Variants in SMOC2 observed in about 807,000 individuals in gnomAD.
SMOC2 encodes SPARC-related modular calcium-binding protein 2.
Under a neutral mutation model 61.4 loss-of-function variants are expected in SMOC2, and 39 were observed. The observed-to-expected ratio is 0.64, with a 90% CI of 0.49 to 0.83. The LOEUF (loss-of-function observed/expected upper bound fraction) is 0.83. Ranked by LOEUF, SMOC2 falls within the 40% of genes least tolerant of loss-of-function variation. The pLI is 0.00. For missense variants in SMOC2, 556 were observed against 592.9 expected, an observed-to-expected ratio of 0.94 and a Z score of 0.65; for synonymous variants, 247 against 239.9, an observed-to-expected ratio of 1.03 and a Z score of -0.27.
chr6:168,659,517 G>A (rs1455386363), intron 11 of SMOC2, among the ~76,000 whole-genome samples: 5 of 70,480 alleles, frequency 7.1e-5, no homozygotes, highest in Middle Eastern at 6.3e-3. Context: ...GGTGGAGGTT[G>A]TAGGTTGGGT....
chr6:168,651,996 A>G (rs1787206043), intron 10 of SMOC2, among the ~76,000 whole-genome samples: 1 of 151,316 alleles, frequency 6.6e-6, no homozygotes, highest in South Asian at 2.1e-4. Flanking sequence ...AGCCAAGACC[A>G]CACCATTGCA....
intron 1 of SMOC2, among the ~76,000 whole-genome samples, chr6:168,443,008 G>T (rs1289736946): frequency 6.6e-6 from 1 of 152,182 alleles, no homozygotes; most frequent in Admixed American, 6.5e-5. Context: ...ATATACTCAC[G>T]TATACACTCA....
In SMOC2 at chr6:168,652,991, C is replaced by T. The variant is rs543344507; in HGVS notation, c.1048C>T (p.Arg350Trp). 10 of 1,613,870 alleles carry T rather than the reference C, an allele frequency of 6.2e-6. 1 individual carries two copies. The highest frequency in any genetic ancestry group is 3.3e-4 in the Middle Eastern group (2 of 6,054). ...CGACCCCAGCCATACCCTAGAGGAG[C>T]GGGTGGTGCACTGGTACTTCAAACT... ...EPDPSHTLEE[R>W]VVHWYFKLLD... Residue 350 changes from arginine (R) to tryptophan (W), a missense_variant, in exon 11 of 13, where the codon CGG (arginine) becomes TGG (tryptophan). Physicochemically the swap from Arg to Trp is moderately radical, Grantham distance 101 (BLOSUM62 -3). Coordinates refer to ENST00000356284, the MANE Select transcript of SMOC2 (RefSeq NM_001166412.2).
chr6:168,652,545 A>G (rs1787221848), intron 10 of SMOC2, among the ~76,000 whole-genome samples: 1 of 152,252 alleles, frequency 6.6e-6, no homozygotes, highest in South Asian at 2.1e-4. Context: ...TTTGATTTGC[A>G]TCATCTGATA....
intron 1 of SMOC2, among the ~76,000 whole-genome samples, chr6:168,441,985 G>C (rs1238465728): frequency 6.6e-6 from 1 of 152,222 alleles, no homozygotes; most frequent in Admixed American, 6.5e-5. Context: ...CTTTGGGCTC[G>C]TGCGCCGCGC....
intron 4 of SMOC2, among the ~76,000 whole-genome samples, chr6:168,542,543 G>A (rs931196144): frequency 5.3e-5 from 8 of 152,186 alleles, no homozygotes; most frequent in African/African-American, 1.9e-4. Flanking sequence ...TCTGAAGTCA[G>A]CATTGTCTGA....
intron 4 of SMOC2, among the ~76,000 whole-genome samples, chr6:168,528,101 A>G (rs1479938337): frequency 6.6e-6 from 1 of 152,200 alleles, no homozygotes; most frequent in East Asian, 1.9e-4. Flanking sequence ...AAAAGTGAAA[A>G]TTGCTGGTTT....
chr6:168,569,379 T>A (rs919787430), intron 7 of SMOC2, among the ~76,000 whole-genome samples: 2 of 152,146 alleles, frequency 1.3e-5, no homozygotes, highest in Non-Finnish European at 1.5e-5. Context: ...TTAATTGGGG[T>A]TTTTTTAATT....
intron 7 of SMOC2, among the ~76,000 whole-genome samples, chr6:168,597,907 G>T (rs1216586624): frequency 6.6e-6 from 1 of 152,280 alleles, no homozygotes; most frequent in African/African-American, 2.4e-5. Context: ...AACTATTTGG[G>T]GCAGAAGATG....
chr6:168,599,792 C>A (rs1431409479), intron 8 of SMOC2, among the ~76,000 whole-genome samples: 2 of 75,546 alleles, frequency 2.6e-5, no homozygotes, highest in Admixed American at 1.8e-4. Context: ...ACAAACATAC[C>A]CACAGTCACA....
intron 9 of SMOC2, among the ~76,000 whole-genome samples, chr6:168,636,964 T>C: frequency 9.0e-6 from 1 of 111,726 alleles, no homozygotes; most frequent in Admixed American, 9.2e-5. Context: ...CTTTCCTCCC[T>C]CCTCCCTCCT....
intron 7 of SMOC2, among the ~76,000 whole-genome samples, chr6:168,564,254 G>A (rs924970802): frequency 4.4e-4 from 67 of 151,932 alleles, no homozygotes; most frequent in African/African-American, 1.4e-3. Context: ...ACTCTGAGCC[G>A]TCCTTTCACT....
intron 11 of SMOC2, among the ~76,000 whole-genome samples, chr6:168,662,338 G>A (rs138421870): frequency 9.2e-5 from 14 of 152,338 alleles, no homozygotes; most frequent in South Asian, 4.1e-4. Context: ...GGGCTGGAAC[G>A]TTAGATGGGG....
chr6:168,638,520 TCTGGA>T, intron 9 of SMOC2, among the ~76,000 whole-genome samples: 1 of 151,978 alleles, frequency 6.6e-6, no homozygotes, highest in Non-Finnish European at 1.5e-5. Context: ...GGAAGCGGGG[TCTGGA>T]GGGAATGCTT....
At chr6:168,480,538 C>G (rs543327760) in intron 1 of SMOC2, among the ~76,000 whole-genome samples, 1 of 151,726 alleles carries the variant, frequency 6.6e-6, no homozygotes, top group South Asian at 2.1e-4. Flanking sequence ...GATCAGCAAA[C>G]TTAAAGACAG....
chr6:168,592,653 G>A (rs1316401398), intron 7 of SMOC2, among the ~76,000 whole-genome samples: 10 of 106,080 alleles, frequency 9.4e-5, no homozygotes, highest in African/African-American at 1.3e-4. Flanking sequence ...GAGGATCGCT[G>A]AGCTCCTCCT....
chr6:168,631,413 A>T (rs1786567107), intron 9 of SMOC2, among the ~76,000 whole-genome samples: 1 of 152,210 alleles, frequency 6.6e-6, no homozygotes, highest in African/African-American at 2.4e-5. Flanking sequence ...GAGGACAGGA[A>T]AGGTTCGGCT....
At chr6:168,482,087 T>G (rs946079454) in intron 1 of SMOC2, among the ~76,000 whole-genome samples, 4 of 151,298 alleles carry the variant, frequency 2.6e-5, no homozygotes, top group African/African-American at 7.3e-5. Context: ...TAGAGGAAAA[T>G]TAGTGAAACA....
chr6:168,581,431 G>T (rs1246349821), intron 7 of SMOC2, among the ~76,000 whole-genome samples: 1 of 152,172 alleles, frequency 6.6e-6, no homozygotes, highest in Non-Finnish European at 1.5e-5. Context: ...CAGACCTGCT[G>T]GCCAGGGACC....
Sources: allele counts gnomAD v4.1 joint callset (sites outside exome capture counted in the v4.1 genomes callset), GRCh38; gene constraint gnomAD v4.1.1; transcripts MANE v1.5; gene names NCBI Gene and HGNC (gene_info 2026-07-23, HGNC 2026-07-21).